The following THADA variants were observed in gnomAD, a reference collection of about 807,000 sequenced individuals.
The protein encoded by THADA is tRNA (32-2'-O)-methyltransferase regulator THADA.
In THADA, 213 loss-of-function variants were observed where a neutral mutation model predicts 219.8. The ratio of observed to expected loss-of-function variants is 0.97; its 90% CI spans 0.87 to 1.09. The LOEUF is 1.09. THADA is among the 50% of genes least tolerant of loss of function. The pLI is 0.00. For synonymous variants in THADA, 1,018 were observed against 828.9 expected, an observed-to-expected ratio of 1.23 and a Z score of -3.92; for missense variants, 2,956 against 2,311.3, an observed-to-expected ratio of 1.28 and a Z score of -5.72.
intron 24 of THADA, among the ~76,000 whole-genome samples, chr2:43,501,762 G>A (rs1689014777): frequency 6.6e-6 from 1 of 152,074 alleles, no homozygotes; most frequent in Non-Finnish European, 1.5e-5. Flanking sequence ...TGGCCAACGT[G>A]GTGAAACCCC....
chr2:43,368,446 G>C (rs1320469163), intron 29 of THADA, among the ~76,000 whole-genome samples: 1 of 152,136 alleles, frequency 6.6e-6, no homozygotes, highest in Non-Finnish European at 1.5e-5. Context: ...GCCCGGGCTG[G>C]AGTGCAGTGG....
chr2:43,594,507 C>T (rs1313319852), intron 1 of THADA, among the ~76,000 whole-genome samples: 1 of 152,076 alleles, frequency 6.6e-6, no homozygotes, highest in South Asian at 2.1e-4. Flanking sequence ...TGGCTTGAAC[C>T]CAGGAGGCAG....
intron 29 of THADA, among the ~76,000 whole-genome samples, chr2:43,350,820 C>T (rs1436887871): frequency 6.6e-6 from 1 of 152,196 alleles, no homozygotes; most frequent in African/African-American, 2.4e-5. Flanking sequence ...AAGAATACAT[C>T]CTTAGGATGG....
intron 30 of THADA, among the ~76,000 whole-genome samples, chr2:43,340,349 C>T (rs1295667295): frequency 6.6e-6 from 1 of 152,206 alleles, no homozygotes; most frequent in East Asian, 1.9e-4. Flanking sequence ...GCTTAATCAC[C>T]TCATATAAAT....
At chr2:43,400,329 G>A (rs985960287) in intron 28 of THADA, among the ~76,000 whole-genome samples, 2 of 151,684 alleles carry the variant, frequency 1.3e-5, no homozygotes, top group African/African-American at 4.8e-5. Flanking sequence ...CCTCAAAAAA[G>A]TAATGCAATT....
intron 26 of THADA, among the ~76,000 whole-genome samples, chr2:43,466,310 C>T (rs1558805158): frequency 6.6e-6 from 1 of 152,170 alleles, no homozygotes; most frequent in Non-Finnish European, 1.5e-5. Context: ...TCACACCAAC[C>T]TTTCACTACC....
chr2:43,373,464 T>A (rs748512488), intron 29 of THADA, among the ~76,000 whole-genome samples: 13 of 152,038 alleles, frequency 8.6e-5, no homozygotes, highest in Admixed American at 2.0e-4. Context: ...TAGCTTGTAA[T>A]AAATCTCAGT....
At chr2:43,568,410 C>T (rs901942680) in intron 14 of THADA, among the ~76,000 whole-genome samples, 4 of 152,082 alleles carry the variant, frequency 2.6e-5, no homozygotes, top group Admixed American at 6.6e-5. Context: ...GATGGTGTGA[C>T]GATTATAACA....
At chr2:43,314,574 A>G (rs901846354) in intron 31 of THADA, among the ~76,000 whole-genome samples, 6 of 152,228 alleles carry the variant, frequency 3.9e-5, no homozygotes, top group African/African-American at 1.4e-4. Flanking sequence ...AGAAATTTCA[A>G]TGGAAAATTT....
chr2:43,485,583 T>C (rs913947484), intron 25 of THADA, among the ~76,000 whole-genome samples: 5 of 152,166 alleles, frequency 3.3e-5, no homozygotes, highest in African/African-American at 1.2e-4. Flanking sequence ...CATCAACAGT[T>C]TTCACTAATC....
intron 36 of THADA, among the ~76,000 whole-genome samples, chr2:43,246,002 G>A (rs1558460497): frequency 6.6e-6 from 1 of 151,624 alleles, no homozygotes; most frequent in Non-Finnish European, 1.5e-5. Context: ...CCACCTCCGA[G>A]CTTTATCCAG....
At chr2:43,333,648 G>A (rs1188430332) in intron 30 of THADA, among the ~76,000 whole-genome samples, 2 of 152,150 alleles carry the variant, frequency 1.3e-5, no homozygotes, top group South Asian at 4.1e-4. Flanking sequence ...TCCCTGTTAA[G>A]ACTTGCTTCC....
chr2:43,292,277 C>G, intron 32 of THADA, 55 bp from the exon 33 acceptor site: 1 of 1,129,702 alleles, frequency 8.9e-7, no homozygotes, highest in Non-Finnish European at 1.3e-6. Context: ...AGGGAGATGT[C>G]TCTAGATGTT....
At position 43,292,908 on chromosome 2, in the gene THADA, G is replaced by T. The variant is rs748234890; in HGVS notation, c.4744C>A (p.Pro1582Thr). The change falls in exon 32 of 38, where the codon CCC (proline) becomes ACC (threonine). Residue 1582 changes from proline to threonine, a missense_variant. Coordinates refer to ENST00000405975, the MANE Select transcript of THADA (RefSeq NM_022065.5). ...TTCTCTCCCATGTTGCACAGCAAGG[G>T]TGGCACGCCCTTCTCTCCAAGTCCA... ...ASGLGEKGVP[P>T]LLCNMGEKFL... 5 of 1,613,904 alleles carry T rather than the reference G, an allele frequency of 3.1e-6. 1 individual carries two copies. The Admixed American group carries it at 8.3e-5, about 27-fold the overall frequency.
intron 36 of THADA, among the ~76,000 whole-genome samples, chr2:43,248,158 TATATATAGAGAGAGAGAGAGAGAG>T (rs1385346303): frequency 1.9e-3 from 122 of 65,154 alleles, no homozygotes; most frequent in South Asian, 7.7e-3. Flanking sequence ...TATATATATA[TATATATAGAGAGAGAGAGAGAGAG>T]AGAGAGAGAG....
intron 22 of THADA, among the ~76,000 whole-genome samples, chr2:43,526,726 T>C (rs1360339686): frequency 1.3e-5 from 2 of 152,190 alleles, no homozygotes; most frequent in Admixed American, 6.5e-5. Context: ...ACAACATACC[T>C]TTTGTTAAAT....
At chr2:43,439,783 C>A (rs908758296) in intron 26 of THADA, among the ~76,000 whole-genome samples, 12 of 152,154 alleles carry the variant, frequency 7.9e-5, no homozygotes. Context: ...GTATCCCCCA[C>A]AGATAAGGGA....
At chr2:43,404,037 A>AT (rs1200508903) in intron 28 of THADA, among the ~76,000 whole-genome samples, 2 of 152,000 alleles carry the variant, frequency 1.3e-5, no homozygotes, top group Non-Finnish European at 2.9e-5. Flanking sequence ...ACCTTCAAAA[A>AT]ATCTTTTTTC....
chr2:43,570,842 C>CATT (rs3042351), intron 13 of THADA, among the ~76,000 whole-genome samples: 105,890 of 151,850 alleles, frequency 0.7, 38,444 homozygotes, highest in African/African-American at 0.87. Context: ...TGATAATGAT[C>CATT]TTTTGAGGTG....
Sources: gnomAD v4.1 joint callset for allele counts (sites outside exome capture counted in the v4.1 genomes callset) on GRCh38, gnomAD v4.1.1 for gene constraint, MANE v1.5 for transcripts, NCBI Gene and HGNC (gene_info 2026-07-23, HGNC 2026-07-21) for gene names.